Variants in USP25 observed in about 807,000 individuals in gnomAD.
USP25 encodes the protein ubiquitin specific peptidase 25.
In USP25, 85 loss-of-function variants were observed where a neutral mutation model predicts 158.5. The ratio of observed to expected loss-of-function variants is 0.54; its 90% CI spans 0.45 to 0.64. The LOEUF is 0.64. USP25 is among the 30% of genes least tolerant of loss of function. The pLI is 0.00. For synonymous variants in USP25, 464 were observed against 460.4 expected (o/e 1.01, Z -0.10); for missense variants, 1,242 against 1,327.3 (o/e 0.94, Z 1.00).
chr21:15,730,533 C>T (rs1601213175), intron 1 of USP25, 95 bp downstream of exon 1: 6 of 1,245,884 alleles, frequency 4.8e-6, no homozygotes, highest in Middle Eastern at 3.1e-4. Flanking sequence ...GCCGCCGCCG[C>T]CTTCCCGGGC....
chr21:15,834,921 T>C (rs952155250), intron 17 of USP25, among the ~76,000 whole-genome samples: 1 of 152,226 alleles, frequency 6.6e-6, no homozygotes, highest in Admixed American at 6.5e-5. Flanking sequence ...TTTTAGTAGA[T>C]GTCAAGAGGT....
At chr21:15,808,389 T>G (rs1307747587) in intron 7 of USP25, among the ~76,000 whole-genome samples, 1 of 152,214 alleles carries the variant, frequency 6.6e-6, no homozygotes, top group Admixed American at 6.5e-5. Flanking sequence ...AAGAGACTAG[T>G]CTTCCTTCTA....
At position 15,730,200 on chromosome 21, in the gene USP25, C is replaced by T. The variant is rs1241198943; in HGVS notation, c.-194C>T. 7.2e-6 allele frequency: 3 copies of T among 416,528 alleles called. No individual in the cohort carries two copies. Among genetic ancestry groups the T allele is most frequent in the South Asian group, 2.0e-4 (2 of 10,140 alleles). 25.8% of individuals were successfully genotyped at this position (416,528 alleles called of 1,614,324 possible). ...AGGCGGCCGCCGTGGCCCTCACAGT[C>T]GGCGTTTCGCCGCCTGCCCGCGGTG... On this transcript the variant is annotated 5_prime_UTR_variant, in exon 1 of 26. Transcript: ENST00000400183.
At chr21:15,798,543 T>TA (rs1194080627) in intron 5 of USP25, among the ~76,000 whole-genome samples, 2 of 151,228 alleles carry the variant, frequency 1.3e-5, no homozygotes, top group African/African-American at 2.4e-5. Context: ...CTTCTACTCT[T>TA]ACTGTTTTAA....
chr21:15,828,719 G>A (rs908101142), intron 14 of USP25, among the ~76,000 whole-genome samples: 3 of 152,120 alleles, frequency 2.0e-5, no homozygotes, highest in East Asian at 3.9e-4. Flanking sequence ...GCTCACTCCA[G>A]CCTCTGCCTC....
intron 1 of USP25, among the ~76,000 whole-genome samples, chr21:15,740,556 G>C (rs879007406): frequency 1.3e-5 from 2 of 151,216 alleles, no homozygotes; most frequent in South Asian, 4.2e-4. Context: ...ACTCCTGGAG[G>C]CACAAATAAG....
At chr21:15,868,498 T>C (rs1403721495) in intron 22 of USP25, among the ~76,000 whole-genome samples, 3 of 152,206 alleles carry the variant, frequency 2.0e-5, no homozygotes, top group Admixed American at 6.5e-5. Flanking sequence ...ATGTTTTTTT[T>C]CATAAAATCT....
intron 1 of USP25, among the ~76,000 whole-genome samples, chr21:15,760,127 AG>A (rs2033640512): frequency 6.6e-6 from 1 of 152,234 alleles, no homozygotes; most frequent in Non-Finnish European, 1.5e-5. Flanking sequence ...TTTTCACAGC[AG>A]CCTTTGCCCA....
chr21:15,823,907 C>A, intron 10 of USP25, 132 bp from the exon 11 acceptor site: 1 of 854,970 alleles, frequency 1.2e-6, no homozygotes, highest in Non-Finnish European at 1.7e-6. Flanking sequence ...AAACTGTGTA[C>A]CCAGTTACTT....
chr21:15,730,798 C>A (rs1028764941), intron 1 of USP25, among the ~76,000 whole-genome samples: 2 of 152,134 alleles, frequency 1.3e-5, no homozygotes, highest in African/African-American at 4.8e-5. Context: ...CCTTTCTGAA[C>A]CGATTTTGTC....
At chr21:15,740,128 T>G (rs2031897825) in intron 1 of USP25, among the ~76,000 whole-genome samples, 1 of 152,224 alleles carries the variant, frequency 6.6e-6, no homozygotes, top group Non-Finnish European at 1.5e-5. Flanking sequence ...GTCTTAATTA[T>G]CTGTAGTGCT....
In USP25 at chr21:15,730,361, ACCG is replaced by A. The variant is rs566061228; in HGVS notation, c.-10_-8del. 0.11 allele frequency: 130,660 copies of A among 1,140,176 alleles called. 8,873 individuals are homozygous for A. Among genetic ancestry groups the A allele is most frequent in the African/African-American group, 0.4 (23,357 of 58,052 alleles). 70.6% of individuals were successfully genotyped at this position (1,140,176 alleles called of 1,614,324 possible). ...GCGGAGGCGCGAGGAGCCGGGCGCC[ACCG>A]CCGCCGCCGCCGCCGCCGCCGCGGG... On this transcript the variant is annotated 5_prime_UTR_variant, in exon 1 of 26. Coordinates refer to ENST00000400183, the MANE Select transcript of USP25 (RefSeq NM_001283041.3).
At chr21:15,735,422 G>T (rs1482324298) in intron 1 of USP25, among the ~76,000 whole-genome samples, 3 of 152,146 alleles carry the variant, frequency 2.0e-5, no homozygotes, top group African/African-American at 7.2e-5. Context: ...AAGTAATCTA[G>T]AAATGATTTA....
At chr21:15,811,781 A>T (rs184757681) in intron 9 of USP25, among the ~76,000 whole-genome samples, 362 of 152,316 alleles carry the variant, frequency 2.4e-3, no homozygotes, top group African/African-American at 8.3e-3. Flanking sequence ...GGGTTCCCTA[A>T]CAAGGGAGGA....
intron 20 of USP25, among the ~76,000 whole-genome samples, chr21:15,862,317 A>G (rs2039460456): frequency 6.6e-6 from 1 of 152,142 alleles, no homozygotes; most frequent in Admixed American, 6.5e-5. Context: ...TCATTGGAGT[A>G]TCATGGATTT....
intron 3 of USP25, among the ~76,000 whole-genome samples, chr21:15,774,788 A>G (rs1287656615): frequency 6.6e-6 from 1 of 152,202 alleles, no homozygotes; most frequent in African/African-American, 2.4e-5. Flanking sequence ...TCTGTTTAAA[A>G]CAGTGAGTGT....
chr21:15,785,480 G>T lies in USP25; in HGVS notation c.393-6022G>T, dbSNP rs529881654. Among the ~76,000 whole-genome samples, 5 of 152,244 alleles carry T rather than the reference G, an allele frequency of 3.3e-5. No individual in the cohort carries two copies. In the South Asian group the frequency reaches 8.3e-4, roughly 25 times the overall value. The stretch of plus-strand genomic sequence containing the variant: ...AGAGATGGTATCAAGTATTTTACCA[G>T]ATCACAACTATATAAAGCTAGAAAT... On this transcript the variant is annotated intron_variant, in intron 4 of 25. Transcript: ENST00000400183.
At chr21:15,845,923 A>C (rs1422851826) in intron 18 of USP25, among the ~76,000 whole-genome samples, 2 of 151,680 alleles carry the variant, frequency 1.3e-5, no homozygotes, top group Non-Finnish European at 2.9e-5. Context: ...AAACAATTTA[A>C]AGTAGCACAA....
chr21:15,753,183 A>G (rs959572186), intron 1 of USP25, among the ~76,000 whole-genome samples: 1 of 152,326 alleles, frequency 6.6e-6, no homozygotes, highest in Non-Finnish European at 1.5e-5. Flanking sequence ...GTGAGTCACT[A>G]TGTCAGCAGG....
Sources: gnomAD v4.1 joint callset for allele counts (sites outside exome capture counted in the v4.1 genomes callset) on GRCh38, gnomAD v4.1.1 for gene constraint, MANE v1.5 for transcripts, NCBI Gene and HGNC (gene_info 2026-07-23, HGNC 2026-07-21) for gene names.